PTPRD: variants seen among roughly 807,000 people sequenced by gnomAD.
PTPRD encodes protein tyrosine phosphatase receptor type D.
In PTPRD, 34 loss-of-function variants were observed where a neutral mutation model predicts 214.5. That is an observed-to-expected ratio of 0.16 (90% CI 0.12 to 0.21). The LOEUF (loss-of-function observed/expected upper bound fraction) is 0.21, where lower values mean the gene tolerates loss of function less well. Ranked by LOEUF, PTPRD falls within the 10% of genes least tolerant of loss-of-function variation. The probability of loss-of-function intolerance (pLI) is 1.00; values close to 1 mark genes in which losing one functional copy is unlikely to be tolerated. For missense variants in PTPRD, 2,545 were observed against 2,398.7 expected (o/e 1.06, Z -1.27); for synonymous variants, 1,128 against 845.7 (o/e 1.33, Z -5.79).
intron 3 of PTPRD, among the ~76,000 whole-genome samples, chr9:10,164,710 C>A (rs1287255052): frequency 6.6e-6 from 1 of 151,358 alleles, no homozygotes; most frequent in Non-Finnish European, 1.5e-5. Flanking sequence ...TAGAAGTACA[C>A]AAAAGAGTAT....
chr9:8,529,120 G>A (rs1370482487), intron 14 of PTPRD, among the ~76,000 whole-genome samples: 3 of 152,060 alleles, frequency 2.0e-5, no homozygotes, highest in South Asian at 2.1e-4. Flanking sequence ...TAGGCATTTA[G>A]GAAAGAACAC....
chr9:8,735,139 T>C (rs148061838), intron 11 of PTPRD, among the ~76,000 whole-genome samples: 1 of 128,106 alleles, frequency 7.8e-6, no homozygotes, highest in Admixed American at 7.9e-5. Context: ...TTTTTTTTTG[T>C]TTTTTTTTTT....
chr9:9,811,706 C>G (rs2047204684), intron 5 of PTPRD, among the ~76,000 whole-genome samples: 1 of 152,006 alleles, frequency 6.6e-6, no homozygotes, highest in Non-Finnish European at 1.5e-5. Flanking sequence ...GACTCCATCT[C>G]AAAAACAAAA....
intron 25 of PTPRD, among the ~76,000 whole-genome samples, chr9:8,499,339 A>G (rs573565250): frequency 2.0e-5 from 3 of 152,294 alleles, no homozygotes; most frequent in Admixed American, 2.0e-4. Flanking sequence ...CTTTGACTCA[A>G]CTAAGTCAAT....
At chr9:10,022,372 T>A (rs1008644679) in intron 4 of PTPRD, among the ~76,000 whole-genome samples, 4 of 141,344 alleles carry the variant, frequency 2.8e-5, no homozygotes, top group Middle Eastern at 3.2e-3. Flanking sequence ...ACTGCTCTCA[T>A]ACATACCTTT....
chr9:9,805,938 C>G (rs562804833), intron 5 of PTPRD, among the ~76,000 whole-genome samples: 1 of 152,112 alleles, frequency 6.6e-6, no homozygotes, highest in African/African-American at 2.4e-5. Context: ...TAAAGTGAAC[C>G]AAATTAATAT....
intron 11 of PTPRD, among the ~76,000 whole-genome samples, chr9:8,769,756 AAG>A (rs2095054077): frequency 6.6e-6 from 1 of 152,052 alleles, no homozygotes. Flanking sequence ...TTCTAAAACA[AAG>A]AGGGGAGGGA....
intron 5 of PTPRD, among the ~76,000 whole-genome samples, chr9:9,795,602 T>C (rs2153486236): frequency 6.6e-6 from 1 of 152,316 alleles, no homozygotes; most frequent in East Asian, 1.9e-4. Context: ...ATGAAGCATA[T>C]ACAATTATAA....
chr9:10,467,437 T>C (rs2099002063), intron 2 of PTPRD, among the ~76,000 whole-genome samples: 1 of 152,190 alleles, frequency 6.6e-6, no homozygotes, highest in Non-Finnish European at 1.5e-5. Context: ...CCACAAGTCT[T>C]ACTACACATG....
chr9:9,822,954 T>A (rs1216171134), intron 5 of PTPRD, among the ~76,000 whole-genome samples: 1 of 152,018 alleles, frequency 6.6e-6, no homozygotes, highest in Non-Finnish European at 1.5e-5. Flanking sequence ...ATTCCAGCAA[T>A]CCCACCATTG....
chr9:10,594,975 G>A (rs1472365401), intron 2 of PTPRD, among the ~76,000 whole-genome samples: 1 of 151,598 alleles, frequency 6.6e-6, no homozygotes, highest in Non-Finnish European at 1.5e-5. Flanking sequence ...CAACTTCGGA[G>A]ACATTTTCCC....
At chr9:9,653,122 C>T (rs867972543) in intron 7 of PTPRD, among the ~76,000 whole-genome samples, 2 of 147,870 alleles carry the variant, frequency 1.4e-5, no homozygotes, top group Middle Eastern at 7.1e-3. Context: ...GCGGGTGGAT[C>T]ATGAGGTCAG....
intron 10 of PTPRD, among the ~76,000 whole-genome samples, chr9:9,146,231 T>C (rs2099868389): frequency 6.6e-6 from 1 of 152,146 alleles, no homozygotes; most frequent in South Asian, 2.1e-4. Context: ...AACACTGCTG[T>C]GCATGGCTAA....
At chr9:10,061,602 C>A (rs1191171879) in intron 3 of PTPRD, among the ~76,000 whole-genome samples, 1 of 152,008 alleles carries the variant, frequency 6.6e-6, no homozygotes, top group East Asian at 1.9e-4. Context: ...TTCCTATTCC[C>A]CACCATGTCA....
At chr9:10,145,774 A>G (rs570093643) in intron 3 of PTPRD, among the ~76,000 whole-genome samples, 33 of 152,246 alleles carry the variant, frequency 2.2e-4, no homozygotes, top group African/African-American at 6.0e-4. Flanking sequence ...GTATAACAGA[A>G]AAAATTCAAA....
At chr9:10,194,258 A>G (rs944859313) in intron 3 of PTPRD, among the ~76,000 whole-genome samples, 2 of 150,792 alleles carry the variant, frequency 1.3e-5, no homozygotes, top group African/African-American at 4.9e-5. Flanking sequence ...GAAAATATCA[A>G]ATACATTAAT....
intron 5 of PTPRD, among the ~76,000 whole-genome samples, chr9:9,891,777 T>G (rs1029196529): frequency 1.3e-5 from 2 of 152,148 alleles, no homozygotes; most frequent in Admixed American, 6.6e-5. Context: ...TAAAACTTAC[T>G]AAATATCGAC....
intron 6 of PTPRD, among the ~76,000 whole-genome samples, chr9:9,744,957 G>T (rs2154458910): frequency 6.6e-6 from 1 of 152,030 alleles, no homozygotes; most frequent in Admixed American, 6.6e-5. Context: ...GAAATCAATA[G>T]AAAGCATTTT....
In PTPRD at chr9:8,341,833, T is replaced by C. The variant is rs780837663; in HGVS notation, c.4807A>G (p.Ile1603Val). The stretch of plus-strand genomic sequence containing the variant: ...TCTAACAGTGCATCATGGATAAAGA[T>C]GTATTGGTCTTCTGTTTGAACCATA... ...NYMVQTEDQY[I>V]FIHDALLEAV... Residue 1603 changes from isoleucine (I) to valine (V), a missense_variant, in exon 40 of 46, where the codon ATC becomes GTC. Coordinates refer to ENST00000381196, the MANE Select transcript of PTPRD (RefSeq NM_002839.4). The C allele has an allele frequency of 4.3e-6, 7 of 1,613,628 alleles. No individual in the cohort carries two copies. The highest frequency in any genetic ancestry group is 2.2e-5 in the East Asian group (1 of 44,828).
Sources: gnomAD v4.1 joint callset for allele counts (sites outside exome capture counted in the v4.1 genomes callset) on GRCh38, gnomAD v4.1.1 for gene constraint, MANE v1.5 for transcripts, NCBI Gene and HGNC (gene_info 2026-07-23, HGNC 2026-07-21) for gene names.